ECM2: variants seen among roughly 807,000 people sequenced by gnomAD.
ECM2 encodes the protein extracellular matrix protein 2, also known as extracellular matrix protein 2, female organ and adipocyte specific.
ECM2 carries 57 observed loss-of-function variants against 67.5 expected under a neutral mutation model. That is an observed-to-expected ratio of 0.84 (90% confidence interval 0.68 to 1.05). The LOEUF (loss-of-function observed/expected upper bound fraction) is 1.05. ECM2 is among the 50% of genes least tolerant of loss of function. The pLI, the probability that ECM2 is intolerant of heterozygous loss-of-function variation, is 0.00. For synonymous variants in ECM2, 258 were observed against 294.5 expected (o/e 0.88, Z 1.27); for missense variants, 741 against 822.8 (o/e 0.90, Z 1.22).
chr9:92,501,857 C>T (rs1284233013), intron 8 of ECM2, among the ~76,000 whole-genome samples: 2 of 152,234 alleles, frequency 1.3e-5, no homozygotes, highest in Non-Finnish European at 2.9e-5. Flanking sequence ...TTGCTTCTGA[C>T]TCCCTCCCCC....
At chr9:92,556,756 C>T in the ECM2 span, among the ~76,000 whole-genome samples, 3 of 152,242 alleles carry the variant, frequency 2.0e-5, no homozygotes, top group African/African-American at 4.8e-5. Context: ...CTGAAGGCAG[C>T]GGATAGTTGG....
the ECM2 span, among the ~76,000 whole-genome samples, chr9:92,548,598 G>A: frequency 5.9e-5 from 9 of 152,154 alleles, no homozygotes; most frequent in Non-Finnish European, 1.2e-4. Flanking sequence ...TCTTTATACA[G>A]TGAGATAATG....
chr9:92,502,565 A>G lies in ECM2; in HGVS notation c.1552T>C (p.Tyr518His), dbSNP rs754105786. Residue 518 changes from tyrosine (Y) to histidine (H), a missense_variant, in exon 8 of 10, where the codon TAT becomes CAT. Physicochemically the swap from Tyr to His is moderately conservative, Grantham distance 83. Coordinates refer to ENST00000344604, the MANE Select transcript of ECM2 (RefSeq NM_001393.4). ...TRKINVIVLR[Y>H]NKIEENRIAP... ...ATCCTATTTTCTTCAATTTTGTTATAACGTAGTACAATGACATTGATCTTT... is the reference window on the plus strand; with the variant it reads ...ATCCTATTTTCTTCAATTTTGTTATGACGTAGTACAATGACATTGATCTTT... 5.6e-6 allele frequency: 9 copies of G among 1,612,456 alleles called. No homozygotes were observed. In the South Asian group the frequency reaches 9.9e-5, roughly 18 times the overall value.
At chr9:92,536,869 A>ATTT (rs11459753), upstream of ECM2, among the ~76,000 whole-genome samples, 257 of 141,560 alleles carry the variant, frequency 1.8e-3, 3 homozygotes, top group South Asian at 7.0e-3. Context: ...TATTTTTTAA[A>ATTT]TTTTTTTTTT....
chr9:92,502,765 C>T, intron 7 of ECM2, 113 bp from the exon 8 acceptor site: 7 of 728,738 alleles, frequency 9.6e-6, no homozygotes, highest in South Asian at 2.6e-5. Flanking sequence ...TCTAAAGAGT[C>T]TTACTGCTCT....
At chr9:92,546,628 G>A in the ECM2 span, among the ~76,000 whole-genome samples, 2 of 152,102 alleles carry the variant, frequency 1.3e-5, no homozygotes, top group Non-Finnish European at 2.9e-5. Context: ...ACACCAGAAG[G>A]AACAAACTCT....
intron 2 of ECM2, among the ~76,000 whole-genome samples, chr9:92,518,393 C>T (rs946947457): frequency 3.3e-5 from 5 of 152,076 alleles, no homozygotes; most frequent in East Asian, 3.9e-4. Flanking sequence ...CTTCCCAAGC[C>T]GCCAGCCAAT....
chr9:92,550,199 C>T, the ECM2 span, among the ~76,000 whole-genome samples: 3 of 152,094 alleles, frequency 2.0e-5, no homozygotes, highest in Non-Finnish European at 4.4e-5. Context: ...AGATCGAGAC[C>T]ATCCTGGCCA....
intron 1 of ECM2, among the ~76,000 whole-genome samples, chr9:92,528,316 A>G (rs1441005792): frequency 6.6e-6 from 1 of 152,168 alleles, no homozygotes; most frequent in Non-Finnish European, 1.5e-5. Context: ...AGTGAGGGGA[A>G]CACAGGCAGA....
At chr9:92,527,156 G>A (rs1364331424) in intron 1 of ECM2, among the ~76,000 whole-genome samples, 4 of 151,974 alleles carry the variant, frequency 2.6e-5, no homozygotes, top group African/African-American at 4.8e-5. Context: ...CTACAGACCC[G>A]TGCCACCATG....
chr9:92,495,984 A>G lies in ECM2; in HGVS notation c.*331T>C, dbSNP rs1846325446. ...AAGGGACTTACAGAGTTCTCAGCTA[A>G]CACCAGTATTCAAGTTGATTATAAA... On this transcript the variant is annotated 3_prime_UTR_variant, in exon 10 of 10. Coordinates refer to ENST00000344604, the MANE Select transcript of ECM2 (RefSeq NM_001393.4). 4.0e-6 allele frequency: 4 copies of G among 993,308 alleles called. No individual in the cohort carries two copies. Among genetic ancestry groups the G allele is most frequent in the Non-Finnish European group, 4.8e-6 (4 of 835,538 alleles). 61.5% of individuals were successfully genotyped at this position (993,308 alleles called of 1,614,324 possible). A position where few individuals can be genotyped will look rare whatever the true frequency, so the allele number is the denominator to read the frequency against.
At chr9:92,549,501 G>A in the ECM2 span, among the ~76,000 whole-genome samples, 1 of 152,062 alleles carries the variant, frequency 6.6e-6, no homozygotes, top group Non-Finnish European at 1.5e-5. Context: ...ACAAAAATTA[G>A]CTGGGCGTTG....
Position 92,514,854 on chromosome 9 carries a change from C to A in ECM2, c.831G>T (p.Glu277Asp), listed in dbSNP as rs1847592685. 6.2e-7 allele frequency: 1 copy of A among 1,612,534 alleles called. No homozygotes were observed. The highest frequency in any genetic ancestry group is 1.3e-5 in the African/African-American group (1 of 74,966). Residue 277 changes from glutamate (E) to aspartate (D), a missense_variant, in exon 4 of 10, where the codon GAG becomes GAT. Transcript: ENST00000344604. Reference protein sequence around the residue: ...QGREEEEDEEEEGEEGEEDEE... With the variant: ...QGREEEEDEEDEGEEGEEDEE... The stretch of plus-strand genomic sequence containing the variant: ...CATCCTCCTCACCCTCCTCACCCTC[C>A]TCCTCCTCATCCTCCTCCTCCTCCC...
At chr9:92,546,079 C>G in the ECM2 span, among the ~76,000 whole-genome samples, 1 of 152,106 alleles carries the variant, frequency 6.6e-6, no homozygotes, top group African/African-American at 2.4e-5. Flanking sequence ...CACCCTGTGT[C>G]TAGCTCAGGG....
chr9:92,545,605 T>C, the ECM2 span, among the ~76,000 whole-genome samples: 1 of 152,160 alleles, frequency 6.6e-6, no homozygotes, highest in Non-Finnish European at 1.5e-5. Flanking sequence ...CCAGTCCCAC[T>C]GACCGCCCAA....
At chr9:92,545,571 G>T in the ECM2 span, among the ~76,000 whole-genome samples, 3 of 152,186 alleles carry the variant, frequency 2.0e-5, no homozygotes, top group African/African-American at 7.2e-5. Context: ...TCCCCGACGA[G>T]CTCTGCCCCC....
intron 3 of ECM2, chr9:92,517,276 C>T (rs1308446716): frequency 3.0e-5 from 7 of 229,956 alleles, no homozygotes; most frequent in Non-Finnish European, 4.2e-5. Flanking sequence ...AGATGCAAAT[C>T]ACTCTTCCTT....
the ECM2 span, among the ~76,000 whole-genome samples, chr9:92,544,332 C>T: frequency 7.1e-4 from 108 of 152,166 alleles, no homozygotes; most frequent in African/African-American, 2.4e-3. Context: ...AAAAATTAGC[C>T]GGGTGTGCTG....
At chr9:92,548,251 C>T in the ECM2 span, among the ~76,000 whole-genome samples, 1 of 152,112 alleles carries the variant, frequency 6.6e-6, no homozygotes, top group Non-Finnish European at 1.5e-5. Context: ...CATGAAAGCT[C>T]TCTTGCTGGT....
Sources: gnomAD v4.1 joint callset for allele counts (sites outside exome capture counted in the v4.1 genomes callset) on GRCh38, gnomAD v4.1.1 for gene constraint, MANE v1.5 for transcripts, NCBI Gene and HGNC (gene_info 2026-07-23, HGNC 2026-07-21) for gene names.